Variants in UGT1A10 observed in about 807,000 individuals in gnomAD.
UGT1A10 encodes UDP glucuronosyltransferase family 1 member A10, also known as UDP-glucuronosyltransferase 1A10.
In UGT1A10, 49 loss-of-function variants were observed where a neutral mutation model predicts 45.8. That is an observed-to-expected ratio of 1.07 (90% confidence interval 0.85 to 1.36). The LOEUF is 1.36. Among genes scored for constraint, UGT1A10 ranks in the 40% most tolerant of loss-of-function variants. The pLI is 0.00. For synonymous variants in UGT1A10, 284 were observed against 249.7 expected, an observed-to-expected ratio of 1.14 and a Z score of -1.29; for missense variants, 745 against 668.6, an observed-to-expected ratio of 1.11 and a Z score of -1.26.
chr2:233,636,582 T>C lies in UGT1A10; in HGVS notation c.60T>C (p.Cys20=). 6.2e-7 allele frequency: 1 copy of C among 1,614,188 alleles called. No individual in the cohort carries two copies. Among genetic ancestry groups the C allele is most frequent in the Middle Eastern group, 1.7e-4 (1 of 6,060 alleles). ...TATGTGTGTGTCTACTGCTGACCTG[T>C]GGCTTTGCCGAGGCAGGGAAGCTGC... The part of the protein sequence containing the change: ...VPLCVCLLLT[C]GFAEAGKLLV... The change falls in exon 1 of 5, where the codon TGT becomes TGC. Residue 20 remains cysteine (C), a synonymous_variant. Transcript: ENST00000344644.
chr2:233,745,363 G>T (rs1011191922), intron 1 of UGT1A10, among the ~76,000 whole-genome samples: 1 of 151,804 alleles, frequency 6.6e-6, no homozygotes, highest in African/African-American at 2.4e-5. Flanking sequence ...ATTTTTTTGA[G>T]ATCTGAGTTC....
At chr2:233,688,319 A>G in intron 1 of UGT1A10, among the ~76,000 whole-genome samples, 1 of 152,240 alleles carries the variant, frequency 6.6e-6, no homozygotes, top group Admixed American at 6.5e-5. Context: ...CAGTTGGTGG[A>G]CATTTGGGTT....
chr2:233,682,170 C>T, intron 1 of UGT1A10: 1 of 1,614,210 alleles, frequency 6.2e-7, no homozygotes, highest in Non-Finnish European at 8.5e-7. Context: ...AAGACTTACT[C>T]AACCTCATAC....
intron 1 of UGT1A10, among the ~76,000 whole-genome samples, chr2:233,685,905 A>G (rs902693787): frequency 6.6e-6 from 1 of 152,240 alleles, no homozygotes; most frequent in Non-Finnish European, 1.5e-5. Flanking sequence ...CTCATTTTCA[A>G]TCCATCATTA....
chr2:233,702,417 G>A lies in UGT1A10; in HGVS notation c.856-64617G>A, dbSNP rs1157747013. ...CATGTTATCTACAAATAGAGATAGCGTTACTTCTTCCTTTCTAATAAGGAT... is the reference window on the plus strand; with the variant it reads ...CATGTTATCTACAAATAGAGATAGCATTACTTCTTCCTTTCTAATAAGGAT... On this transcript the variant is annotated intron_variant, in intron 1 of 4. Transcript: ENST00000344644. 7.2e-5 allele frequency among the ~76,000 whole-genome samples: 11 copies of A among 151,972 alleles called. No individual in the cohort carries two copies. The East Asian group carries it at 1.9e-3, about 27-fold the overall frequency.
intron 1 of UGT1A10, chr2:233,738,921 G>A (rs1476491765): frequency 6.6e-6 from 1 of 152,268 alleles, no homozygotes; most frequent in Non-Finnish European, 1.5e-5. Flanking sequence ...CAGGCCTGGA[G>A]GCCTAGGAAG....
intron 1 of UGT1A10, among the ~76,000 whole-genome samples, chr2:233,733,416 G>A (rs570726599): frequency 2.1e-4 from 32 of 152,222 alleles, no homozygotes; most frequent in African/African-American, 7.5e-4. Context: ...TCCAGTTTTC[G>A]CCTACTCAGT....
Position 233,636,690 on chromosome 2 carries a change from T to A in UGT1A10, c.168T>A (p.Val56=). 1 of 1,614,116 alleles carries A rather than the reference T, an allele frequency of 6.2e-7. No homozygotes were observed. Among genetic ancestry groups the A allele is most frequent in the Non-Finnish European group, 8.5e-7 (1 of 1,180,002 alleles). The change falls in exon 1 of 5, where the codon GTT becomes GTA. Residue 56 remains valine, a synonymous_variant. Transcript: ENST00000344644. ...TTATCCTCAGGGGGCATGAGGTGGT[T>A]GTAGTCATGCCAGAGGTGAGTTGGC... ...EKLILRGHEV[V]VVMPEVSWQL...
intron 1 of UGT1A10, among the ~76,000 whole-genome samples, chr2:233,758,486 A>G (rs1279862194): frequency 6.6e-6 from 1 of 152,222 alleles, no homozygotes; most frequent in East Asian, 1.9e-4. Flanking sequence ...TAAACTGTGA[A>G]TTTCAGAATT....
chr2:233,707,032 A>G (rs949515079), intron 1 of UGT1A10, among the ~76,000 whole-genome samples: 22 of 152,226 alleles, frequency 1.4e-4, no homozygotes, highest in African/African-American at 5.3e-4. Context: ...CCAGCCCCCA[A>G]GGTAGAGGAA....
chr2:233,758,377 G>A (rs1376342494), intron 1 of UGT1A10, among the ~76,000 whole-genome samples: 2 of 152,208 alleles, frequency 1.3e-5, no homozygotes, highest in Non-Finnish European at 2.9e-5. Flanking sequence ...CATTACAGTG[G>A]TGACTTATGT....
intron 1 of UGT1A10, among the ~76,000 whole-genome samples, chr2:233,666,645 T>A (rs2074081373): frequency 6.6e-6 from 1 of 152,194 alleles, no homozygotes. Flanking sequence ...TTTATTTTTT[T>A]ATTTTTATTT....
At chr2:233,691,449 C>T (rs1372399366) in intron 1 of UGT1A10, 3 of 985,606 alleles carry the variant, frequency 3.0e-6, no homozygotes, top group South Asian at 4.7e-5. Flanking sequence ...CTTCTCCCTT[C>T]CTGGGCCCCA....
At chr2:233,738,412 C>T (rs988923331) in intron 1 of UGT1A10, among the ~76,000 whole-genome samples, 1 of 152,164 alleles carries the variant, frequency 6.6e-6, no homozygotes, top group East Asian at 1.9e-4. Context: ...GGGTAACAGG[C>T]AGAGGCTGGA....
chr2:233,643,306 C>T (rs537579707), intron 1 of UGT1A10, among the ~76,000 whole-genome samples: 2 of 152,262 alleles, frequency 1.3e-5, no homozygotes, highest in African/African-American at 4.8e-5. Flanking sequence ...TTTGCAAAGA[C>T]AGAGGAGCCT....
chr2:233,747,677 C>T (rs1693749061), intron 1 of UGT1A10: 1 of 1,606,758 alleles, frequency 6.2e-7, no homozygotes, highest in Non-Finnish European at 8.5e-7. Context: ...ACCCAATTTA[C>T]CTCTGTGGGG....
At chr2:233,655,022 G>A (rs553523097) in intron 1 of UGT1A10, among the ~76,000 whole-genome samples, 1 of 152,182 alleles carries the variant, frequency 6.6e-6, no homozygotes, top group South Asian at 2.1e-4. Flanking sequence ...CTGGAAGATG[G>A]AGGTTGCAGT....
intron 1 of UGT1A10, among the ~76,000 whole-genome samples, chr2:233,637,711 A>G (rs2073339166): frequency 6.6e-6 from 1 of 152,168 alleles, no homozygotes; most frequent in Non-Finnish European, 1.5e-5. Flanking sequence ...AAATGCTCTT[A>G]AGTTTTGTGT....
At chr2:233,666,563 A>G (rs897128142) in intron 1 of UGT1A10, among the ~76,000 whole-genome samples, 1 of 152,002 alleles carries the variant, frequency 6.6e-6, no homozygotes, top group Non-Finnish European at 1.5e-5. Flanking sequence ...AAGATTATTT[A>G]TATTCTGGAT....
Sources: gnomAD v4.1 joint callset for allele counts (sites outside exome capture counted in the v4.1 genomes callset) on GRCh38, gnomAD v4.1.1 for gene constraint, MANE v1.5 for transcripts, NCBI Gene and HGNC (gene_info 2026-07-23, HGNC 2026-07-21) for gene names.